BRD7: variants seen among roughly 807,000 people sequenced by gnomAD.
BRD7 encodes the protein bromodomain-containing protein 7.
BRD7 carries 15 observed loss-of-function variants against 82.1 expected under a neutral mutation model. The ratio of observed to expected loss-of-function variants is 0.18; its 90% CI spans 0.12 to 0.28. The LOEUF (loss-of-function observed/expected upper bound fraction) is 0.28, where lower values mean the gene tolerates loss of function less well. Ranked by LOEUF, BRD7 falls within the 10% of genes least tolerant of loss-of-function variation. The pLI is 1.00. For missense variants in BRD7, 638 were observed against 779.9 expected (o/e 0.82, Z 2.17); for synonymous variants, 232 against 266.9 (o/e 0.87, Z 1.27).
At position 50,321,899 on chromosome 16, in the gene BRD7, A is replaced by G. The variant is rs2037134092; in HGVS notation, c.1500+83T>C. 2.3e-6 allele frequency: 3 copies of G among 1,295,038 alleles called. No individual in the cohort carries two copies. The South Asian group carries it at 3.8e-5, about 16-fold the overall frequency. The allele number at this position is 1,295,038 out of a possible 1,614,324, so 80.2% of individuals were successfully genotyped here. On this transcript the variant is annotated intron_variant, in intron 13 of 16. Transcript: ENST00000394688. The stretch of plus-strand genomic sequence containing the variant: ...CACTAACCTTTTTCCTTCTTACCCA[A>G]TGGGCCTTCCCATTCTCAAGACTTC...
intron 2 of BRD7, among the ~76,000 whole-genome samples, 190 bp downstream of exon 2, chr16:50,367,900 A>G (rs560132241): frequency 2.0e-5 from 3 of 152,292 alleles, no homozygotes; most frequent in South Asian, 2.1e-4. Context: ...ACAATTGCCT[A>G]AGAGTATAAT....
intron 5 of BRD7, among the ~76,000 whole-genome samples, chr16:50,348,637 T>C (rs987195373): frequency 1.3e-5 from 2 of 152,014 alleles, no homozygotes; most frequent in African/African-American, 2.4e-5. Flanking sequence ...AAGACATTCA[T>C]GCAGAAGACA....
chr16:50,334,776 T>C lies in BRD7; in HGVS notation c.822A>G (p.Arg274=), dbSNP rs780560580. ...CGGCATCTCCAGAGTCCTCTCTCTC[T>C]CTCTGCCAGCAGCCTCCGTCCTCCC... ...QSGEDGGCWQ[R]EREDSGDAEA... is the part of the protein sequence containing the mutation. Residue 274 remains arginine, a synonymous_variant, in exon 7 of 17, where the codon AGA becomes AGG. Coordinates refer to ENST00000394688, the MANE Select transcript of BRD7 (RefSeq NM_013263.5). 1 of 1,614,084 alleles carries C rather than the reference T, an allele frequency of 6.2e-7. No individual in the cohort carries two copies. The highest frequency in any genetic ancestry group is 1.3e-5 in the African/African-American group (1 of 75,042).
chr16:50,333,318 T>C (rs1424936611), intron 8 of BRD7, among the ~76,000 whole-genome samples: 1 of 152,228 alleles, frequency 6.6e-6, no homozygotes, highest in African/African-American at 2.4e-5. Flanking sequence ...CAGATGGTCC[T>C]CAACTTACAA....
intron 1 of BRD7, 30 bp from the exon 2 acceptor site, chr16:50,368,328 GCGC>G: frequency 1.9e-6 from 3 of 1,605,192 alleles, no homozygotes; most frequent in Non-Finnish European, 2.6e-6. Flanking sequence ...AGAAAGGAAA[GCGC>G]GTCGATTAAA....
At chr16:50,351,531 T>C (rs907782369) in intron 4 of BRD7, among the ~76,000 whole-genome samples, 2 of 152,214 alleles carry the variant, frequency 1.3e-5, no homozygotes, top group African/African-American at 2.4e-5. Flanking sequence ...CAGAGCCCCA[T>C]CTAGTTTTGA....
chr16:50,319,994 T>C lies in BRD7; in HGVS notation c.1793A>G (p.Gln598Arg), dbSNP rs115302634. 9.8e-5 allele frequency: 158 copies of C among 1,612,122 alleles called. 1 individual carries two copies. The East Asian group carries it at 3.4e-3, about 35-fold the overall frequency. Residue 598 changes from glutamine to arginine, a missense_variant, in exon 16 of 17, where the codon CAG becomes CGG. Around this residue, in one of 3 missense-constraint regions of BRD7, gnomAD observed 402 missense variants for 500.8 expected, o/e 0.80. Coordinates refer to ENST00000394688, the MANE Select transcript of BRD7 (RefSeq NM_013263.5). ...QVTNNLKELA[Q>R]QVTPGDIVST... The stretch of plus-strand genomic sequence containing the variant: ...TACGATATCACCTGGAGTTACTTGC[T>C]GTGCAAGTTCTTTAAGATTATTGGT...
In BRD7 at chr16:50,320,410, G is replaced by A; in HGVS notation, c.1613-19C>T. On this transcript the variant is annotated intron_variant, in intron 14 of 16. Transcript: ENST00000394688. ...TCAGCTTCTGTGTGGTAAGAAAACA[G>A]ACACACTTCTGTTTGATCTTGTGCA... 6.2e-7 allele frequency: 1 copy of A among 1,610,548 alleles called. No individual in the cohort carries two copies. Among genetic ancestry groups the A allele is most frequent in the South Asian group, 1.1e-5 (1 of 90,624 alleles).
intron 5 of BRD7, chr16:50,349,259 T>C (rs1225568212): frequency 2.5e-5 from 5 of 201,300 alleles, no homozygotes; most frequent in Non-Finnish European, 4.9e-5. Context: ...GGTGGGGGCA[T>C]GGGGGAGGGG....
At chr16:50,363,693 A>G (rs1299390937) in intron 2 of BRD7, among the ~76,000 whole-genome samples, 4 of 150,898 alleles carry the variant, frequency 2.7e-5, no homozygotes, top group Non-Finnish European at 5.9e-5. Context: ...GCTTCCCCCA[A>G]CTTTATCTTA....
intron 15 of BRD7, 38 bp from the exon 16 acceptor site, chr16:50,320,068 G>T: frequency 6.3e-7 from 1 of 1,580,652 alleles, no homozygotes. Flanking sequence ...CTAAAGCATG[G>T]TTCCTTTAGA....
intron 5 of BRD7, among the ~76,000 whole-genome samples, chr16:50,340,491 A>T (rs998278374): frequency 3.3e-5 from 5 of 152,232 alleles, no homozygotes; most frequent in African/African-American, 1.2e-4. Context: ...TTTAAAACAA[A>T]CATCTTAAAT....
intron 2 of BRD7, among the ~76,000 whole-genome samples, chr16:50,367,126 A>C (rs1418518563): frequency 1.3e-5 from 2 of 152,318 alleles, no homozygotes; most frequent in Non-Finnish European, 2.9e-5. Context: ...ACATAAGAAA[A>C]ATTACATAAC....
chr16:50,355,699 G>A (rs1251236672), intron 2 of BRD7, among the ~76,000 whole-genome samples: 2 of 152,124 alleles, frequency 1.3e-5, no homozygotes, highest in African/African-American at 2.4e-5. Context: ...TCCAGATAAA[G>A]ACTTAAATGT....
intron 5 of BRD7, among the ~76,000 whole-genome samples, chr16:50,340,512 G>C (rs142004024): frequency 2.0e-5 from 3 of 152,218 alleles, no homozygotes; most frequent in African/African-American, 7.2e-5. Context: ...TTCCATTTAG[G>C]AATTGAACAT....
chr16:50,355,066 G>T, intron 2 of BRD7, 144 bp from the exon 3 acceptor site: 1 of 987,544 alleles, frequency 1.0e-6, no homozygotes, highest in South Asian at 2.0e-5. Context: ...GCCATCTACT[G>T]GAAAAGGAGA....
In BRD7 at chr16:50,334,693, A is replaced by T; in HGVS notation, c.887+18T>A. ...TTGAAGAAGACAGTTTGACCTTAAC[A>T]TCCCAAAGATCTTTTACTTTTTATT... On this transcript the variant is annotated intron_variant, in intron 7 of 16. Transcript: ENST00000394688. The T allele has an allele frequency of 3.1e-6, 5 of 1,610,794 alleles. No individual in the cohort carries two copies. Among genetic ancestry groups the T allele is most frequent in the Non-Finnish European group, 4.2e-6 (5 of 1,178,464 alleles).
intron 5 of BRD7, among the ~76,000 whole-genome samples, chr16:50,343,982 C>A (rs1396230548): frequency 6.6e-6 from 1 of 152,154 alleles, no homozygotes; most frequent in Non-Finnish European, 1.5e-5. Flanking sequence ...AGTCCCTGAC[C>A]CCCGAGTAGC....
At chr16:50,325,182 A>C (rs2037284631) in intron 11 of BRD7, among the ~76,000 whole-genome samples, 1 of 152,224 alleles carries the variant, frequency 6.6e-6, no homozygotes, top group Non-Finnish European at 1.5e-5. Context: ...GGATCTCATT[A>C]TGTTGATGGG....
Sources: allele counts gnomAD v4.1 joint callset (sites outside exome capture counted in the v4.1 genomes callset), GRCh38; gene constraint gnomAD v4.1.1; regional missense constraint gnomAD v4.1.1; transcripts MANE v1.5; gene names NCBI Gene and HGNC (gene_info 2026-07-23, HGNC 2026-07-21).